Variants in GSG1L observed in about 807,000 individuals in gnomAD.
The protein encoded by GSG1L is germ cell-specific gene 1-like protein.
Under a neutral mutation model 42.1 loss-of-function variants are expected in GSG1L, and 24 were observed. That is an observed-to-expected ratio of 0.57 (90% confidence interval 0.41 to 0.80). The LOEUF (loss-of-function observed/expected upper bound fraction) is 0.80, where lower values mean the gene tolerates loss of function less well. Among genes scored for constraint, GSG1L ranks in the 30% least tolerant of loss-of-function variants. The pLI, the probability that GSG1L is intolerant of heterozygous loss-of-function variation, is 0.00. For synonymous variants in GSG1L, 215 were observed against 203.5 expected, an observed-to-expected ratio of 1.06 and a Z score of -0.48; for missense variants, 445 against 472.2, an observed-to-expected ratio of 0.94 and a Z score of 0.53.
chr16:27,812,060 G>C (rs2083037405), intron 5 of GSG1L, among the ~76,000 whole-genome samples: 3 of 152,202 alleles, frequency 2.0e-5, no homozygotes, highest in South Asian at 4.1e-4. Flanking sequence ...TGTGAGCAAA[G>C]GGGCTGATGT....
intron 2 of GSG1L, among the ~76,000 whole-genome samples, chr16:27,942,432 G>A (rs986440946): frequency 1.3e-5 from 2 of 152,148 alleles, no homozygotes; most frequent in Non-Finnish European, 2.9e-5. Flanking sequence ...TTATAGACGT[G>A]AGCCACCGCA....
intron 3 of GSG1L, among the ~76,000 whole-genome samples, chr16:27,859,310 T>C (rs949163069): frequency 3.9e-5 from 6 of 152,300 alleles, no homozygotes; most frequent in Non-Finnish European, 5.9e-5. Context: ...GATCCGAGAT[T>C]TGAAGCCTTC....
At chr16:27,962,710 A>G (rs1030068324) in intron 2 of GSG1L, among the ~76,000 whole-genome samples, 1 of 152,142 alleles carries the variant, frequency 6.6e-6, no homozygotes, top group Non-Finnish European at 1.5e-5. Context: ...AACACCAGTG[A>G]GCCCTCTCTG....
At chr16:27,892,943 A>C (rs1019861725) in intron 2 of GSG1L, among the ~76,000 whole-genome samples, 2 of 152,152 alleles carry the variant, frequency 1.3e-5, no homozygotes, top group African/African-American at 2.4e-5. Context: ...ATGAACACTC[A>C]CTTTTCTTCT....
chr16:27,846,891 A>G (rs1247043261), intron 3 of GSG1L, among the ~76,000 whole-genome samples: 2 of 148,744 alleles, frequency 1.3e-5, no homozygotes, highest in African/African-American at 5.0e-5. Context: ...TGGGAGGCAG[A>G]GCTTGCAGTG....
chr16:27,963,299 T>C, intron 1 of GSG1L, 96 bp from the exon 2 acceptor site: 1 of 1,033,952 alleles, frequency 9.7e-7, no homozygotes, highest in East Asian at 2.4e-5. Context: ...AGCAAGCCAG[T>C]GTCTCTGACC....
At chr16:27,962,756 C>T (rs746256194) in intron 2 of GSG1L, among the ~76,000 whole-genome samples, 7 of 152,140 alleles carry the variant, frequency 4.6e-5, no homozygotes, top group Non-Finnish European at 8.8e-5. Context: ...CCTCCCCACA[C>T]CTGTGAGATG....
At chr16:27,801,085 A>G (rs2082876006) in intron 6 of GSG1L, among the ~76,000 whole-genome samples, 1 of 152,186 alleles carries the variant, frequency 6.6e-6, no homozygotes, top group Non-Finnish European at 1.5e-5. Context: ...GAGAGCATCC[A>G]GGCAGAGAGA....
chr16:28,024,180 C>T (rs532697982), intron 1 of GSG1L, among the ~76,000 whole-genome samples: 2 of 152,210 alleles, frequency 1.3e-5, no homozygotes, highest in Non-Finnish European at 2.9e-5. Context: ...ATAACCCCTT[C>T]AATGGGGCTG....
chr16:27,998,487 C>T (rs1172218224), intron 1 of GSG1L: 1 of 152,192 alleles, frequency 6.6e-6, no homozygotes, highest in Non-Finnish European at 1.5e-5. Context: ...TTTGTCACAT[C>T]TCATCAAACA....
chr16:27,903,509 G>C (rs1184761466), intron 2 of GSG1L, among the ~76,000 whole-genome samples: 1 of 152,170 alleles, frequency 6.6e-6, no homozygotes, highest in Non-Finnish European at 1.5e-5. Flanking sequence ...CCTCTGATGT[G>C]TGTCCCACAA....
chr16:27,857,117 A>T (rs1284637585), intron 3 of GSG1L, among the ~76,000 whole-genome samples: 1 of 152,170 alleles, frequency 6.6e-6, no homozygotes, highest in South Asian at 2.1e-4. Context: ...TTGAGGCAAG[A>T]TGCTTGCATG....
chr16:27,839,155 A>T (rs1459033577), intron 4 of GSG1L, among the ~76,000 whole-genome samples: 1 of 152,154 alleles, frequency 6.6e-6, no homozygotes. Context: ...AGTCATGGAG[A>T]CTAGAAAGGG....
chr16:28,033,030 A>C (rs2085985211), intron 1 of GSG1L, among the ~76,000 whole-genome samples: 1 of 152,208 alleles, frequency 6.6e-6, no homozygotes, highest in African/African-American at 2.4e-5. Context: ...AATAAAGTCC[A>C]AATTTTATAC....
chr16:28,038,453 C>T (rs1316182483), intron 1 of GSG1L, among the ~76,000 whole-genome samples: 2 of 152,214 alleles, frequency 1.3e-5, no homozygotes, highest in Admixed American at 6.5e-5. Context: ...GAGGCTGCCC[C>T]TCTGGAGGGT....
chr16:27,994,183 C>A (rs373434086), intron 1 of GSG1L, among the ~76,000 whole-genome samples: 11 of 152,126 alleles, frequency 7.2e-5, no homozygotes, highest in Admixed American at 2.0e-4. Context: ...GGTGCATTGG[C>A]GAGACTGTAA....
intron 6 of GSG1L, among the ~76,000 whole-genome samples, chr16:27,806,067 G>A (rs1473370809): frequency 6.6e-6 from 1 of 151,996 alleles, no homozygotes; most frequent in Non-Finnish European, 1.5e-5. Context: ...TGTGCTTCCC[G>A]AGCCCGTCTC....
chr16:28,004,399 G>C (rs1444106416), intron 1 of GSG1L, among the ~76,000 whole-genome samples: 2 of 151,716 alleles, frequency 1.3e-5, no homozygotes. Context: ...AATAGGAGCT[G>C]AGGGCCAGAA....
At chr16:27,810,670 A>G (rs2083020715) in intron 5 of GSG1L, among the ~76,000 whole-genome samples, 1 of 151,980 alleles carries the variant, frequency 6.6e-6, no homozygotes, top group Non-Finnish European at 1.5e-5. Flanking sequence ...CAACAAAAGG[A>G]TAATGTCTTT....
Sources: gnomAD v4.1 joint callset for allele counts (sites outside exome capture counted in the v4.1 genomes callset) on GRCh38, gnomAD v4.1.1 for gene constraint, MANE v1.5 for transcripts, NCBI Gene and HGNC (gene_info 2026-07-23, HGNC 2026-07-21) for gene names.